The following TOX variants were observed in gnomAD, a reference collection of about 807,000 sequenced individuals.
TOX encodes thymocyte selection associated high mobility group box, also known as thymocyte selection-associated high mobility group box protein TOX.
Under a neutral mutation model 53.7 loss-of-function variants are expected in TOX, and 11 were observed. The ratio of observed to expected loss-of-function variants is 0.20; its 90% CI spans 0.13 to 0.34. The LOEUF is 0.34. TOX is among the 10% of genes least tolerant of loss of function. TOX has a pLI of 1.00. For synonymous variants in TOX, 225 were observed against 245.3 expected (o/e 0.92, Z 0.77); for missense variants, 570 against 664.6 (o/e 0.86, Z 1.56).
intron 1 of TOX, among the ~76,000 whole-genome samples, chr8:59,027,795 G>C (rs1275077118): frequency 2.0e-5 from 3 of 152,074 alleles, no homozygotes; most frequent in African/African-American, 7.2e-5. Flanking sequence ...GTACACATAT[G>C]ATCCTCATCA....
chr8:58,892,502 A>C lies in TOX; in HGVS notation c.412-40697T>G, dbSNP rs1811574700. On this transcript the variant is annotated intron_variant, in intron 3 of 8. Transcript: ENST00000361421. Reference sequence around the variant, plus strand: ...CATTTGGATTATAGTTGTATGAAGGATGTTACCAATATTGTATCCAAAACA... The same window carrying C: ...CATTTGGATTATAGTTGTATGAAGGCTGTTACCAATATTGTATCCAAAACA... Among the ~76,000 whole-genome samples the C allele has an allele frequency of 2.0e-5, 3 of 152,190 alleles. No homozygotes were observed. The South Asian group carries it at 6.2e-4, about 32-fold the overall frequency.
intron 1 of TOX, among the ~76,000 whole-genome samples, chr8:59,027,041 T>C (rs1814256623): frequency 1.3e-5 from 2 of 152,240 alleles, no homozygotes; most frequent in East Asian, 1.9e-4. Context: ...CATTGGCTAG[T>C]TCCCTGTTTG....
chr8:59,090,164 G>A (rs1466739711), intron 1 of TOX, among the ~76,000 whole-genome samples: 1 of 152,248 alleles, frequency 6.6e-6, no homozygotes, highest in Non-Finnish European at 1.5e-5. Context: ...TCTAAGAGGA[G>A]AGTAGTGAAT....
chr8:58,865,541 A>T (rs1811082575), intron 3 of TOX, among the ~76,000 whole-genome samples: 1 of 152,116 alleles, frequency 6.6e-6, no homozygotes, highest in Non-Finnish European at 1.5e-5. Context: ...CAAGAGAATA[A>T]ATTTTCCCCT....
intron 1 of TOX, among the ~76,000 whole-genome samples, chr8:59,039,078 C>T (rs1585980165): frequency 1.3e-5 from 2 of 152,322 alleles, no homozygotes; most frequent in South Asian, 2.1e-4. Context: ...ACCTCCCTAC[C>T]CCGCTTTAGA....
chr8:59,095,933 T>A (rs1220757101), intron 1 of TOX, among the ~76,000 whole-genome samples: 2 of 152,194 alleles, frequency 1.3e-5, no homozygotes, highest in African/African-American at 4.8e-5. Context: ...CATTCTGTCA[T>A]TTACTGATCA....
At chr8:58,866,462 A>G (rs1811103570) in intron 3 of TOX, among the ~76,000 whole-genome samples, 1 of 152,238 alleles carries the variant, frequency 6.6e-6, no homozygotes, top group East Asian at 1.9e-4. Flanking sequence ...AATTGCAACA[A>G]AGTAACTGAT....
At chr8:58,887,326 A>C (rs998434229) in intron 3 of TOX, among the ~76,000 whole-genome samples, 2 of 151,930 alleles carry the variant, frequency 1.3e-5, no homozygotes, top group African/African-American at 4.8e-5. Flanking sequence ...TCATACAAGA[A>C]AGGTTGCAGT....
At position 58,939,324 on chromosome 8, in the gene TOX, A is replaced by G. The variant is rs765917984; in HGVS notation, c.389T>C (p.Leu130Pro). 8.1e-6 allele frequency: 13 copies of G among 1,614,128 alleles called. No homozygotes were observed. The highest frequency in any genetic ancestry group is 1.1e-5 in the Non-Finnish European group (13 of 1,180,006). ...VSNMLGQDGT[L>P]LSNSISVMPD... The stretch of plus-strand genomic sequence containing the variant: ...TACCACAGAAATGGAATTAGAAAGC[A>G]GTGTTCCATCCTGGCCCAGCATATT... The change falls in exon 3 of 9, where the codon CTG becomes CCG. Residue 130 changes from leucine (L) to proline (P), a missense_variant. Around this residue, in one of 3 missense-constraint regions of TOX, gnomAD observed 282 missense variants for 315.0 expected, o/e 0.90. Coordinates refer to ENST00000361421, the MANE Select transcript of TOX (RefSeq NM_014729.3).
At chr8:58,815,304 G>A (rs1393492664) in intron 7 of TOX, 34 bp downstream of exon 7, 2 of 1,555,810 alleles carry the variant, frequency 1.3e-6, no homozygotes, top group Non-Finnish European at 1.7e-6. Context: ...CAGAATAGGG[G>A]TGCACACTCT....
rs867830167 is a variant in TOX, at chr8:58,851,183, T to A, written c.693+341A>T. Among the ~76,000 whole-genome samples the A allele has an allele frequency of 7.0e-5, 10 of 142,722 alleles. No individual in the cohort carries two copies. Among genetic ancestry groups the A allele is most frequent in the African/African-American group, 8.5e-5 (3 of 35,318 alleles). 93.6% of individuals were successfully genotyped at this position (142,722 alleles called of 152,430 possible). A position where few individuals can be genotyped will look rare whatever the true frequency, so the allele number is the denominator to read the frequency against. ...GTCTCTCTCTCTCTCTCTCTCTCTC[T>A]CTCACACACACACACACACACACAC... On this transcript the variant is annotated intron_variant, in intron 4 of 8. Transcript: ENST00000361421. This position sits in a 1 kb window ranked among gnomAD's most constrained non-coding sequence, Gnocchi z 4.4.
Position 58,805,515 on chromosome 8 carries a change from G to A in TOX, c.*2232C>T, listed in dbSNP as rs1314851645. ...AATTTCAACACTCTCTACCCTGGTC[G>A]CACAGCTGCTCTAGAAAAGCTGTAA... On this transcript the variant is annotated 3_prime_UTR_variant, in exon 9 of 9. Transcript: ENST00000361421. The A allele has an allele frequency of 1.3e-5, 2 of 152,436 alleles. No homozygotes were observed. The highest frequency in any genetic ancestry group is 1.9e-4 in the East Asian group (1 of 5,196). The allele number at this position is 152,436 out of a possible 1,614,324, so 9.4% of individuals were successfully genotyped here.
Position 59,113,796 on chromosome 8 carries a change from C to T in TOX, c.102+5090G>A, listed in dbSNP as rs184106344. Among the ~76,000 whole-genome samples, 94 of 151,834 alleles carry T rather than the reference C, an allele frequency of 6.2e-4. 1 individual carries two copies. Among genetic ancestry groups the T allele is most frequent in the Non-Finnish European group, 1.2e-3 (79 of 67,926 alleles). On this transcript the variant is annotated intron_variant, in intron 1 of 8. Coordinates refer to ENST00000361421, the MANE Select transcript of TOX (RefSeq NM_014729.3). ...GGCGCTGGGCATACTGGTAGACCTGCGACTGAGGGCTGGCTTTAAAACAGA... is the reference window on the plus strand; with the variant it reads ...GGCGCTGGGCATACTGGTAGACCTGTGACTGAGGGCTGGCTTTAAAACAGA...
At chr8:58,928,964 A>G (rs1812212035) in intron 3 of TOX, among the ~76,000 whole-genome samples, 1 of 152,198 alleles carries the variant, frequency 6.6e-6, no homozygotes, top group African/African-American at 2.4e-5. Context: ...AAAGATTATT[A>G]AGATCATGAT....
At chr8:58,910,322 T>C (rs1488580105) in intron 3 of TOX, among the ~76,000 whole-genome samples, 1 of 152,158 alleles carries the variant, frequency 6.6e-6, no homozygotes, top group Non-Finnish European at 1.5e-5. Flanking sequence ...AACCAATGAA[T>C]CTTGAAAGTT....
chr8:58,885,875 A>ACTTC (rs1196650277), intron 3 of TOX, among the ~76,000 whole-genome samples: 1 of 152,130 alleles, frequency 6.6e-6, no homozygotes, highest in Non-Finnish European at 1.5e-5. Flanking sequence ...ATATCCTGAA[A>ACTTC]CTTCAATTAA....
intron 1 of TOX, among the ~76,000 whole-genome samples, chr8:59,020,630 A>G (rs1322428133): frequency 1.3e-5 from 2 of 152,158 alleles, no homozygotes; most frequent in Non-Finnish European, 2.9e-5. Flanking sequence ...TAAAAGTATT[A>G]TCATACTTTT....
chr8:58,969,845 G>A (rs1467541801), intron 1 of TOX, among the ~76,000 whole-genome samples: 1 of 152,176 alleles, frequency 6.6e-6, no homozygotes, highest in Non-Finnish European at 1.5e-5. Context: ...GAAACAGCAT[G>A]CTTGCTTCTA....
chr8:58,939,603 A>C, intron 2 of TOX, 59 bp from the exon 3 acceptor site: 1 of 1,533,018 alleles, frequency 6.5e-7, no homozygotes, highest in Middle Eastern at 1.8e-4. Context: ...CTTCATCATC[A>C]TATCAAACAC....
Sources: gnomAD v4.1 joint callset for allele counts (sites outside exome capture counted in the v4.1 genomes callset) on GRCh38, gnomAD v4.1.1 for gene constraint, gnomAD v4.1.1 regional missense constraint, Gnocchi (gnomAD v3.1) non-coding constraint, MANE v1.5 for transcripts, NCBI Gene and HGNC (gene_info 2026-07-23, HGNC 2026-07-21) for gene names.